The following CLCC1 variants were observed in gnomAD, a reference collection of about 807,000 sequenced individuals.
CLCC1 encodes chloride channel CLIC like 1.
Under a neutral mutation model 63.3 loss-of-function variants are expected in CLCC1, and 39 were observed. The observed-to-expected ratio is 0.62, with a 90% confidence interval of 0.48 to 0.81. CLCC1 has a LOEUF of 0.81. Among genes scored for constraint, CLCC1 ranks in the 30% least tolerant of loss-of-function variants. The probability of loss-of-function intolerance (pLI) is 0.00; values close to 1 mark genes in which losing one functional copy is unlikely to be tolerated. For missense variants in CLCC1, 549 were observed against 669.4 expected (o/e 0.82, Z 1.98); for synonymous variants, 217 against 239.8 (o/e 0.90, Z 0.88).
chr1:108,950,262 A>T (rs1352725554), intron 3 of CLCC1, 47 bp downstream of exon 3: 1 of 1,574,020 alleles, frequency 6.4e-7, no homozygotes, highest in Non-Finnish European at 8.7e-7. Flanking sequence ...TGTTTCCATC[A>T]TGGGACTGAT....
intron 7 of CLCC1, among the ~76,000 whole-genome samples, chr1:108,942,137 C>T (rs1164172847): frequency 2.6e-5 from 4 of 152,088 alleles, no homozygotes; most frequent in Admixed American, 2.6e-4. Context: ...AGATAGGAGG[C>T]TGAGGCAAGA....
intron 1 of CLCC1, among the ~76,000 whole-genome samples, chr1:108,962,695 C>T (rs964327960): frequency 1.3e-5 from 2 of 152,062 alleles, no homozygotes; most frequent in Admixed American, 1.3e-4. Context: ...ACAGGGAGAC[C>T]CCTTCTCTAC....
At chr1:108,954,831 T>TGTGTGTGC (rs1363771259) in intron 2 of CLCC1, among the ~76,000 whole-genome samples, 1 of 149,030 alleles carries the variant, frequency 6.7e-6, no homozygotes, top group Non-Finnish European at 1.5e-5. Flanking sequence ...TGTGTGTGTG[T>TGTGTGTGC]GTGTGTGTGT....
intron 2 of CLCC1, among the ~76,000 whole-genome samples, chr1:108,961,515 T>C (rs1053835606): frequency 1.3e-5 from 2 of 152,202 alleles, no homozygotes; most frequent in South Asian, 2.1e-4. Context: ...TTACCATTTC[T>C]CTCCTGTCTC....
chr1:108,959,031 G>A (rs1260599317), intron 2 of CLCC1, among the ~76,000 whole-genome samples: 13 of 149,466 alleles, frequency 8.7e-5, no homozygotes, highest in African/African-American at 2.7e-4. Context: ...AAAATTAGCC[G>A]AGCGTGGTGG....
intron 11 of CLCC1, among the ~76,000 whole-genome samples, chr1:108,935,728 C>G (rs1652824998): frequency 6.6e-6 from 1 of 152,058 alleles, no homozygotes; most frequent in Non-Finnish European, 1.5e-5. Context: ...ATCACTGCAC[C>G]CCAGCCTTGA....
chr1:108,947,112 C>A (rs1484760833), intron 5 of CLCC1, among the ~76,000 whole-genome samples: 3 of 151,698 alleles, frequency 2.0e-5, no homozygotes. Context: ...TGTAGTGAGC[C>A]AAGATTGCAC....
intron 7 of CLCC1, among the ~76,000 whole-genome samples, chr1:108,942,675 A>C (rs530661603): frequency 6.6e-6 from 1 of 152,332 alleles, no homozygotes; most frequent in South Asian, 2.1e-4. Context: ...ATCTAGAAAG[A>C]AATACCTTAA....
intron 3 of CLCC1, 131 bp from the exon 4 acceptor site, chr1:108,950,052 AC>A: frequency 1.5e-6 from 1 of 682,712 alleles, no homozygotes; most frequent in Non-Finnish European, 2.4e-6. Context: ...ATTGTACTGA[AC>A]CACAAAAAAA....
rs117299997 is a variant in CLCC1 at position 108,933,828 on chromosome 1, T to C, written c.*45+797A>G. The C allele has an allele frequency of 1.8e-4, 27 of 152,352 alleles. No individual in the cohort carries two copies. In the East Asian group the frequency reaches 4.8e-3, roughly 27 times the overall value. 9.4% of individuals were successfully genotyped at this position (152,352 alleles called of 1,614,324 possible). A position where few individuals can be genotyped will look rare whatever the true frequency, so the allele number is the denominator to read the frequency against. On this transcript the variant is annotated intron_variant, in intron 12 of 12. Transcript: ENST00000369969. ...TCCTCATCATGGTATTCTCTATGTA[T>C]AGATCTCTAAAAATGCAAACTTCCT...
At chr1:108,947,569 ATATACAC>A (rs1443637341) in intron 5 of CLCC1, 35 bp downstream of exon 5, 1 of 1,126,748 alleles carries the variant, frequency 8.9e-7, no homozygotes, top group African/African-American at 1.6e-5. Context: ...ATAAATAAAA[ATATACAC>A]TATACGGATT....
intron 11 of CLCC1, 30 bp downstream of exon 11, chr1:108,937,047 G>A: frequency 7.0e-7 from 1 of 1,424,474 alleles, no homozygotes; most frequent in Non-Finnish European, 9.3e-7. Flanking sequence ...GTAATGAAGG[G>A]ACAGCAGAAT....
At position 108,929,629 on chromosome 1, in the gene CLCC1, C is replaced by G. The variant is rs939433123; in HGVS notation, c.*2918G>C. On this transcript the variant is annotated 3_prime_UTR_variant, in exon 13 of 13. Transcript: ENST00000369969. ...TTACAACTGCGTTTTCTTGTTGTGACTGAGAGATTTAACATAGCTTGGTGC... is the reference window on the plus strand; with the variant it reads ...TTACAACTGCGTTTTCTTGTTGTGAGTGAGAGATTTAACATAGCTTGGTGC... 5.6e-6 allele frequency: 8 copies of G among 1,419,116 alleles called. No homozygotes were observed. The African/African-American group carries it at 1.1e-4, about 20-fold the overall frequency. The allele number at this position is 1,419,116 out of a possible 1,614,324, so 87.9% of individuals were successfully genotyped here. A position where few individuals can be genotyped will look rare whatever the true frequency, so the allele number is the denominator to read the frequency against.
intron 7 of CLCC1, among the ~76,000 whole-genome samples, chr1:108,943,062 A>G (rs1027817059): frequency 3.9e-5 from 6 of 152,112 alleles, no homozygotes; most frequent in Admixed American, 3.9e-4. Flanking sequence ...GGTGCACGTC[A>G]CCAGGCCCAG....
intron 2 of CLCC1, among the ~76,000 whole-genome samples, chr1:108,955,142 G>A (rs1250331914): frequency 6.6e-6 from 1 of 151,236 alleles, no homozygotes; most frequent in East Asian, 1.9e-4. Flanking sequence ...ACCATGCTGG[G>A]CACTGTCTTA....
At chr1:108,939,897 G>T (rs946436090) in intron 9 of CLCC1, 115 bp from the exon 10 acceptor site, 8 of 1,328,862 alleles carry the variant, frequency 6.0e-6, no homozygotes, top group Non-Finnish European at 8.2e-6. Context: ...AAATGCTGTT[G>T]TGCCATTTTT....
intron 7 of CLCC1, among the ~76,000 whole-genome samples, chr1:108,941,897 G>T (rs763889123): frequency 6.6e-6 from 1 of 151,904 alleles, no homozygotes; most frequent in Admixed American, 6.6e-5. Context: ...CAAGTGATCC[G>T]CCCGCCTCAG....
chr1:108,957,179 A>T lies in CLCC1; in HGVS notation c.-12+5130T>A, dbSNP rs914381528. Among the ~76,000 whole-genome samples, 14 of 151,544 alleles carry T rather than the reference A, an allele frequency of 9.2e-5. 2 individuals are homozygous for T. The highest frequency in any genetic ancestry group is 3.4e-4 in the African/African-American group (14 of 40,778). ...CTTTTAAAATCTGTAGGTAGACCCT[A>T]CTACATCTGGCAAAATGACCAGCTA... On this transcript the variant is annotated intron_variant, in intron 2 of 12. Coordinates refer to ENST00000369969, the MANE Select transcript of CLCC1 (RefSeq NM_001377458.1).
Position 108,937,331 on chromosome 1 carries a change from G to A in CLCC1, c.1129C>T (p.Arg377Trp), listed in dbSNP as rs150665002. Reference sequence around the variant, plus strand: ...ATTTCCTCCTGCCGTCTTCTATCCCGTGGCCGAAGTGCCTGGGGAGGTTCG... The same window carrying A: ...ATTTCCTCCTGCCGTCTTCTATCCCATGGCCGAAGTGCCTGGGGAGGTTCG... ...ESEPPQALRP[R>W]DRRRQEEIDY... The change falls in exon 11 of 13, where the codon CGG (arginine) becomes TGG (tryptophan). Residue 377 changes from arginine to tryptophan, a missense_variant. By Grantham distance (101) the Arg-to-Trp change is moderately radical. Coordinates refer to ENST00000369969, the MANE Select transcript of CLCC1 (RefSeq NM_001377458.1). 211 of 1,614,164 alleles carry A rather than the reference G, an allele frequency of 1.3e-4. No homozygotes were observed. In the African/African-American group the frequency reaches 2.3e-3, roughly 17 times the overall value.
Sources: allele counts gnomAD v4.1 joint callset (sites outside exome capture counted in the v4.1 genomes callset), GRCh38; gene constraint gnomAD v4.1.1; transcripts MANE v1.5; gene names NCBI Gene and HGNC (gene_info 2026-07-23, HGNC 2026-07-21).